PCDH15: variants seen among roughly 807,000 people sequenced by gnomAD.
The protein encoded by PCDH15 is protocadherin related 15.
PCDH15 carries 129 observed loss-of-function variants against 178.5 expected under a neutral mutation model. The observed-to-expected ratio is 0.72, with a 90% confidence interval of 0.63 to 0.84. The LOEUF is 0.84. PCDH15 is among the 40% of genes least tolerant of loss of function. The probability of loss-of-function intolerance (pLI) is 0.00; values close to 1 mark genes in which losing one functional copy is unlikely to be tolerated. For missense variants in PCDH15, 2,230 were observed against 2,099.9 expected, an observed-to-expected ratio of 1.06 and a Z score of -1.21; for synonymous variants, 800 against 732.0, an observed-to-expected ratio of 1.09 and a Z score of -1.50.
At chr10:53,842,082 A>G (rs2077688676) in intron 28 of PCDH15, among the ~76,000 whole-genome samples, 1 of 152,190 alleles carries the variant, frequency 6.6e-6, no homozygotes, top group Non-Finnish European at 1.5e-5. Context: ...TTTAACAAAA[A>G]TAAGAGAGGC....
intron 1 of PCDH15, among the ~76,000 whole-genome samples, chr10:55,299,983 A>G (rs983045453): frequency 3.9e-5 from 6 of 152,312 alleles, no homozygotes; most frequent in African/African-American, 1.4e-4. Context: ...ATTTTCTAAG[A>G]ATATTCTAAA....
chr10:53,894,763 G>A (rs2081835727), intron 26 of PCDH15, among the ~76,000 whole-genome samples: 1 of 152,148 alleles, frequency 6.6e-6, no homozygotes, highest in Non-Finnish European at 1.5e-5. Context: ...CAAACCATCA[G>A]CTTAAAGATT....
intron 3 of PCDH15, among the ~76,000 whole-genome samples, chr10:54,877,934 CTCTCTTTTTTTTTTTTTTTTTTTT>C (rs1281843852): frequency 0.019 from 542 of 28,758 alleles, 8 homozygotes; most frequent in African/African-American, 0.098. Context: ...TTCTCTCTCT[CTCTCTTTTTTTTTTTTTTTTTTTT>C]TTTTTTTTTT....
At chr10:55,150,346 T>A (rs1271253602) in intron 2 of PCDH15, among the ~76,000 whole-genome samples, 2 of 152,146 alleles carry the variant, frequency 1.3e-5, no homozygotes, top group African/African-American at 4.8e-5. Flanking sequence ...GAAAGCTCTG[T>A]GATACTATCA....
At chr10:54,652,593 T>G (rs140731314) in intron 2 of PCDH15, among the ~76,000 whole-genome samples, 2 of 152,268 alleles carry the variant, frequency 1.3e-5, no homozygotes, top group African/African-American at 2.4e-5. Flanking sequence ...TTTGAAGAGA[T>G]AATTAAGTTA....
chr10:55,304,459 T>G (rs2132281585), intron 1 of PCDH15, among the ~76,000 whole-genome samples: 1 of 152,316 alleles, frequency 6.6e-6, no homozygotes, highest in African/African-American at 2.4e-5. Context: ...GTTTTTATGT[T>G]TTACGTATAT....
At chr10:54,372,097 A>G (rs887688429) in intron 4 of PCDH15, among the ~76,000 whole-genome samples, 1 of 151,996 alleles carries the variant, frequency 6.6e-6, no homozygotes, top group South Asian at 2.1e-4. Flanking sequence ...ATTGTAAATT[A>G]AAAACAAAAT....
chr10:55,046,842 T>C (rs572721286), intron 2 of PCDH15, among the ~76,000 whole-genome samples: 45 of 152,116 alleles, frequency 3.0e-4, no homozygotes, highest in Non-Finnish European at 2.8e-4. Context: ...TAAAAAATCA[T>C]ATCACTGATT....
At chr10:55,411,187 T>C (rs1396959665) in intron 2 of PCDH15, among the ~76,000 whole-genome samples, 1 of 152,224 alleles carries the variant, frequency 6.6e-6, no homozygotes, top group African/African-American at 2.4e-5. Flanking sequence ...TCCTCCTTCC[T>C]TGTATAATTA....
At chr10:54,975,304 C>T (rs968752928) in intron 2 of PCDH15, among the ~76,000 whole-genome samples, 1 of 152,080 alleles carries the variant, frequency 6.6e-6, no homozygotes, top group Non-Finnish European at 1.5e-5. Flanking sequence ...TTACTTAAAC[C>T]TTCTGTGTTT....
intron 2 of PCDH15, among the ~76,000 whole-genome samples, chr10:55,393,261 G>A (rs535049217): frequency 2.0e-5 from 3 of 152,104 alleles, no homozygotes; most frequent in African/African-American, 4.8e-5. Flanking sequence ...GTTCTGATTC[G>A]GTAGATCTGG....
chr10:55,307,041 TA>T (rs1312258811), intron 1 of PCDH15, among the ~76,000 whole-genome samples: 1 of 151,968 alleles, frequency 6.6e-6, no homozygotes, highest in Non-Finnish European at 1.5e-5. Flanking sequence ...GGAATAATTG[TA>T]ATAATGCTAT....
Position 53,961,750 on chromosome 10 carries a change from A to C in PCDH15, c.3009+2T>G, listed in dbSNP as rs748111112. ...GACCACATAATGAAAAGAGACACTG[A>C]CCTTAAAAATTGTTGTAGGTTCTTC... On this transcript the variant is annotated splice_donor_variant, in intron 22 of 37. Coordinates refer to ENST00000644397, the MANE Select transcript of PCDH15 (RefSeq NM_001384140.1). LOFTEE classifies it high-confidence loss of function. 6.2e-7 allele frequency: 1 copy of C among 1,602,590 alleles called. No homozygotes were observed. Among genetic ancestry groups the C allele is most frequent in the Non-Finnish European group, 8.5e-7 (1 of 1,174,010 alleles).
intron 2 of PCDH15, among the ~76,000 whole-genome samples, chr10:55,551,951 A>G (rs1554796375): frequency 6.6e-6 from 1 of 151,750 alleles, no homozygotes; most frequent in South Asian, 2.1e-4. Flanking sequence ...TTTTTTCTTT[A>G]TTCTTCCAAT....
chr10:54,851,447 CA>C (rs1250812499), intron 3 of PCDH15, among the ~76,000 whole-genome samples: 2 of 151,892 alleles, frequency 1.3e-5, no homozygotes, highest in African/African-American at 4.8e-5. Flanking sequence ...AGATAACAGA[CA>C]AAAGCATAAA....
In PCDH15 at chr10:54,161,924, C is replaced by G. The variant is rs142102345; in HGVS notation, c.1591-8631G>C. 6.1e-3 allele frequency among the ~76,000 whole-genome samples: 924 copies of G among 152,206 alleles called. 6 individuals carry two copies. The highest frequency in any genetic ancestry group is 0.021 in the African/African-American group (855 of 41,556). On this transcript the variant is annotated intron_variant, in intron 13 of 37. Coordinates refer to ENST00000644397, the MANE Select transcript of PCDH15 (RefSeq NM_001384140.1). ...CAGCACCTGATTAAAGTTTTCTTCT[C>G]TGGCAATATTTGTTGTCTCACTGAT...
chr10:53,996,983 A>T (rs913857989), intron 20 of PCDH15, among the ~76,000 whole-genome samples: 5 of 152,160 alleles, frequency 3.3e-5, no homozygotes, highest in Admixed American at 1.3e-4. Flanking sequence ...CACATAAATT[A>T]ACAGATCTCA....
At chr10:53,851,125 T>C (rs960416992) in intron 28 of PCDH15, among the ~76,000 whole-genome samples, 1 of 152,114 alleles carries the variant, frequency 6.6e-6, no homozygotes, top group Non-Finnish European at 1.5e-5. Flanking sequence ...TCTTCCTCTC[T>C]CATAGTCAAA....
At chr10:54,101,190 C>G (rs7909384) in intron 15 of PCDH15, among the ~76,000 whole-genome samples, 93,681 of 151,302 alleles carry the variant, frequency 0.62, 29,703 homozygotes, top group Middle Eastern at 0.73. Flanking sequence ...CTCTCCACTT[C>G]TCTGCCGCCA....
Sources: gnomAD v4.1 joint callset for allele counts (sites outside exome capture counted in the v4.1 genomes callset) on GRCh38, gnomAD v4.1.1 for gene constraint, MANE v1.5 for transcripts, NCBI Gene and HGNC (gene_info 2026-07-23, HGNC 2026-07-21) for gene names.